FHIT: variants seen among roughly 807,000 people sequenced by gnomAD.
The protein encoded by FHIT is bis(5'-adenosyl)-triphosphatase.
In FHIT, 19 loss-of-function variants were observed where a neutral mutation model predicts 17.9. The observed-to-expected ratio is 1.06, with a 90% CI of 0.74 to 1.56. The LOEUF (loss-of-function observed/expected upper bound fraction) is 1.56, where lower values mean the gene tolerates loss of function less well. FHIT is among the 40% of genes most tolerant of loss of function. The pLI, the probability that FHIT is intolerant of heterozygous loss-of-function variation, is 0.00. For synonymous variants in FHIT, 81 were observed against 69.7 expected (o/e 1.16, Z -0.81); for missense variants, 248 against 189.2 (o/e 1.31, Z -1.82).
At chr3:60,901,110 TTTAA>T (rs1278025045) in intron 3 of FHIT, among the ~76,000 whole-genome samples, 2 of 152,246 alleles carry the variant, frequency 1.3e-5, no homozygotes, top group Non-Finnish European at 2.9e-5. Flanking sequence ...ATAAATGATT[TTTAA>T]TTAAACAATT....
intron 5 of FHIT, among the ~76,000 whole-genome samples, chr3:60,193,750 T>C (rs1044521071): frequency 6.6e-6 from 1 of 152,104 alleles, no homozygotes; most frequent in African/African-American, 2.4e-5. Context: ...GGCTTTCACA[T>C]ATATGACTGT....
At chr3:59,957,768 C>T (rs546682796) in intron 7 of FHIT, among the ~76,000 whole-genome samples, 2 of 152,292 alleles carry the variant, frequency 1.3e-5, no homozygotes, top group South Asian at 2.1e-4. Context: ...GCACATACTA[C>T]TCTATGACTT....
At chr3:60,067,639 C>T (rs1426355644) in intron 5 of FHIT, among the ~76,000 whole-genome samples, 1 of 152,116 alleles carries the variant, frequency 6.6e-6, no homozygotes, top group South Asian at 2.1e-4. Context: ...CTGGGAAGAC[C>T]TTGTATCTTG....
intron 5 of FHIT, among the ~76,000 whole-genome samples, chr3:60,497,260 G>T (rs1005244167): frequency 6.6e-6 from 1 of 151,996 alleles, no homozygotes; most frequent in African/African-American, 2.4e-5. Flanking sequence ...CCTAAAAACA[G>T]AGGAAGGAGA....
chr3:59,880,771 G>A (rs1703375224), intron 8 of FHIT, among the ~76,000 whole-genome samples: 1 of 152,196 alleles, frequency 6.6e-6, no homozygotes, highest in African/African-American at 2.4e-5. Flanking sequence ...CAGACATAAA[G>A]TGAATTAATT....
At chr3:60,748,667 C>A (rs1336032183) in intron 4 of FHIT, among the ~76,000 whole-genome samples, 1 of 152,068 alleles carries the variant, frequency 6.6e-6, no homozygotes, top group African/African-American at 2.4e-5. Flanking sequence ...CAAAAATTAG[C>A]CAGGTGTGGT....
At chr3:59,815,179 G>GT (rs1439620366) in intron 8 of FHIT, among the ~76,000 whole-genome samples, 3 of 152,080 alleles carry the variant, frequency 2.0e-5, no homozygotes, top group Non-Finnish European at 4.4e-5. Context: ...TTGTCTGTCT[G>GT]TTTTTTGTTT....
At chr3:59,870,871 G>GTC (rs201866596) in intron 8 of FHIT, among the ~76,000 whole-genome samples, 24,117 of 127,600 alleles carry the variant, frequency 0.19, 1,999 homozygotes, top group Non-Finnish European at 0.23. Context: ...GTGTGTGTGT[G>GTC]TGCGTGTGTG....
At chr3:60,707,907 T>C (rs1300545062) in intron 4 of FHIT, among the ~76,000 whole-genome samples, 1 of 152,216 alleles carries the variant, frequency 6.6e-6, no homozygotes, top group Non-Finnish European at 1.5e-5. Context: ...TATTTTTAAA[T>C]AGTCTTCAAA....
At chr3:60,236,078 C>T (rs189378243) in intron 5 of FHIT, among the ~76,000 whole-genome samples, 1 of 151,882 alleles carries the variant, frequency 6.6e-6, no homozygotes, top group Non-Finnish European at 1.5e-5. Context: ...TGCTGTCTGC[C>T]CAAATGCATC....
chr3:59,874,483 A>G (rs757693914), intron 8 of FHIT, among the ~76,000 whole-genome samples: 13 of 152,172 alleles, frequency 8.5e-5, no homozygotes, highest in Non-Finnish European at 1.9e-4. Flanking sequence ...GTGAGGCACA[A>G]TAATTTGCAT....
At chr3:59,955,325 C>T (rs1017866342) in intron 7 of FHIT, among the ~76,000 whole-genome samples, 2 of 152,190 alleles carry the variant, frequency 1.3e-5, no homozygotes, top group African/African-American at 4.8e-5. Flanking sequence ...TTCTTTCCTG[C>T]TATTCTTTCT....
intron 8 of FHIT, among the ~76,000 whole-genome samples, chr3:59,887,695 C>T (rs1195696188): frequency 6.6e-6 from 1 of 152,196 alleles, no homozygotes; most frequent in Non-Finnish European, 1.5e-5. Context: ...GAAGCAGTTG[C>T]ATCCAGCAGC....
intron 5 of FHIT, among the ~76,000 whole-genome samples, chr3:60,367,462 A>C (rs1375175248): frequency 1.3e-5 from 2 of 152,214 alleles, no homozygotes; most frequent in Non-Finnish European, 2.9e-5. Context: ...AAGATGTTGG[A>C]AAGTCTAAGA....
At chr3:60,879,333 A>G (rs145066404) in intron 3 of FHIT, among the ~76,000 whole-genome samples, 3 of 152,330 alleles carry the variant, frequency 2.0e-5, no homozygotes, top group African/African-American at 4.8e-5. Context: ...GAAACTGCAT[A>G]GATACTATAC....
intron 1 of FHIT, among the ~76,000 whole-genome samples, chr3:61,201,848 A>G (rs2039023173): frequency 6.6e-6 from 1 of 152,206 alleles, no homozygotes; most frequent in South Asian, 2.1e-4. Flanking sequence ...AGAGATGAAT[A>G]ATCTGATAAC....
At chr3:60,692,617 T>C (rs1253888709) in intron 4 of FHIT, among the ~76,000 whole-genome samples, 1 of 152,196 alleles carries the variant, frequency 6.6e-6, no homozygotes, top group Non-Finnish European at 1.5e-5. Context: ...CATTTTCCCT[T>C]AGAGACCTCA....
At chr3:60,935,071 A>G (rs1708130867) in intron 3 of FHIT, among the ~76,000 whole-genome samples, 1 of 152,224 alleles carries the variant, frequency 6.6e-6, no homozygotes, top group Admixed American at 6.5e-5. Flanking sequence ...AGATGCATTG[A>G]GAGACAGATG....
chr3:60,807,263 A>C (rs1701426700), intron 4 of FHIT, among the ~76,000 whole-genome samples: 1 of 152,126 alleles, frequency 6.6e-6, no homozygotes, highest in African/African-American at 2.4e-5. Flanking sequence ...AACTACAAAT[A>C]GTTTCCTTTC....
Sources: gnomAD v4.1 joint callset for allele counts (sites outside exome capture counted in the v4.1 genomes callset) on GRCh38, gnomAD v4.1.1 for gene constraint, MANE v1.5 for transcripts, NCBI Gene and HGNC (gene_info 2026-07-23, HGNC 2026-07-21) for gene names.